WT1: variants seen among roughly 807,000 people sequenced by gnomAD.
WT1 encodes WT1 transcription factor.
A neutral mutation model predicts 60.8 loss-of-function variants in WT1; 8 were observed. That is an observed-to-expected ratio of 0.13 (90% CI 0.08 to 0.24). WT1 has a LOEUF of 0.24. Among genes scored for constraint, WT1 ranks in the 10% least tolerant of loss-of-function variants. The pLI is 1.00. For synonymous variants in WT1, 312 were observed against 297.1 expected, an observed-to-expected ratio of 1.05 and a Z score of -0.52; for missense variants, 568 against 711.8, an observed-to-expected ratio of 0.80 and a Z score of 2.30.
chr11:32,407,510 C>T lies in WT1; in HGVS notation c.1017-7466G>A, dbSNP rs77643749. 1.0e-2 allele frequency among the ~76,000 whole-genome samples: 1,520 copies of T among 152,270 alleles called. 25 individuals carry two copies. The highest frequency in any genetic ancestry group is 0.034 in the African/African-American group (1,432 of 41,548). On this transcript the variant is annotated intron_variant, in intron 5 of 9. Coordinates refer to ENST00000452863, the MANE Select transcript of WT1 (RefSeq NM_024426.6). ...TTCGGCCTGTCATTTCTCTCTCCCA[C>T]CTCTAGTTATTGGCCAGGCAGGCAT...
chr11:32,430,295 C>T (rs1305351797), intron 1 of WT1, among the ~76,000 whole-genome samples: 3 of 152,070 alleles, frequency 2.0e-5, no homozygotes, highest in Non-Finnish European at 4.4e-5. Context: ...CTTTTGAAAC[C>T]TGAGGCCTGG....
chr11:32,412,012 A>G (rs1003395419), intron 5 of WT1, among the ~76,000 whole-genome samples: 3 of 152,198 alleles, frequency 2.0e-5, no homozygotes, highest in African/African-American at 7.2e-5. Flanking sequence ...CCCCACCTTC[A>G]CTTTGCATCT....
rs762660918 is a variant in WT1 at position 32,434,858 on chromosome 11, T to C, written c.503A>G (p.His168Arg). ...TGTGCCAGTGAACTGGCCGGAAAAG[T>C]GGACAGTGAAGGCGCTCAGGCACTG... Residue 168 changes from histidine (H) to arginine (R), a missense_variant, in exon 1 of 10, where the codon CAC (histidine) becomes CGC (arginine). By Grantham distance (29) the His-to-Arg change is conservative. Coordinates refer to ENST00000452863, the MANE Select transcript of WT1 (RefSeq NM_024426.6). 6.2e-7 allele frequency: 1 copy of C among 1,612,458 alleles called. No individual in the cohort carries two copies. The highest frequency in any genetic ancestry group is 1.1e-5 in the South Asian group (1 of 91,024).
At chr11:32,394,553 G>A (rs1178647299) in intron 7 of WT1, among the ~76,000 whole-genome samples, 1 of 152,166 alleles carries the variant, frequency 6.6e-6, no homozygotes, top group Non-Finnish European at 1.5e-5. Context: ...TAAAAAGAAG[G>A]AGTTTGAGTC....
At chr11:32,401,106 G>A (rs1191301001) in intron 5 of WT1, among the ~76,000 whole-genome samples, 1 of 152,156 alleles carries the variant, frequency 6.6e-6, no homozygotes, top group African/African-American at 2.4e-5. Flanking sequence ...CAACCCAAAT[G>A]TCCATCAACT....
At position 32,416,404 on chromosome 11, in the gene WT1, C is replaced by T. The variant is rs951007759; in HGVS notation, c.1016+86G>A. On this transcript the variant is annotated intron_variant, in intron 5 of 9. Transcript: ENST00000452863. ...CACCAAATGCTACCCTGATTACCCACGTCAGTCCTAACTCCTGCATTGCCC... is the reference window on the plus strand; with the variant it reads ...CACCAAATGCTACCCTGATTACCCATGTCAGTCCTAACTCCTGCATTGCCC... 505 of 1,547,406 alleles carry T rather than the reference C, an allele frequency of 3.3e-4. 1 individual carries two copies. Among genetic ancestry groups the T allele is most frequent in the Non-Finnish European group, 2.5e-4 (275 of 1,122,118 alleles).
intron 9 of WT1, among the ~76,000 whole-genome samples, chr11:32,389,970 CA>C (rs773822337): frequency 4.0e-4 from 61 of 152,174 alleles, no homozygotes; most frequent in Admixed American, 7.2e-4. Context: ...CGCACACACA[CA>C]ACCTCATGTA....
Position 32,387,819 on chromosome 11 carries a change from A to T in WT1, c.*1239T>A, listed in dbSNP as rs534396876. ...TAATTGAGAGCAAAGTGAAAAATGC[A>T]GGTTACAATTTTAAGTGTTATCATC... On this transcript the variant is annotated 3_prime_UTR_variant, in exon 10 of 10. Coordinates refer to ENST00000452863, the MANE Select transcript of WT1 (RefSeq NM_024426.6). 2.1e-3 allele frequency: 494 copies of T among 233,246 alleles called. 5 individuals carry two copies. The Middle Eastern group carries it at 0.04, about 19-fold the overall frequency. 14.4% of individuals were successfully genotyped at this position (233,246 alleles called of 1,614,324 possible).
rs567200038 is a variant in WT1, at chr11:32,435,063, G to T, written c.298C>A (p.Pro100Thr). 6.8e-7 allele frequency: 1 copy of T among 1,478,408 alleles called. No individual in the cohort carries two copies. Among genetic ancestry groups the T allele is most frequent in the Non-Finnish European group, 8.9e-7 (1 of 1,124,990 alleles). 91.6% of individuals were successfully genotyped at this position (1,478,408 alleles called of 1,614,324 possible). The change falls in exon 1 of 10, where the codon CCT becomes ACT. Residue 100 changes from proline (P) to threonine (T), a missense_variant. Physicochemically the swap from Pro to Thr is conservative, Grantham distance 38. Around this residue, in one of 3 missense-constraint regions of WT1, gnomAD observed 523 missense variants for 565.1 expected, o/e 0.93. Coordinates refer to ENST00000452863, the MANE Select transcript of WT1 (RefSeq NM_024426.6). Reference sequence around the variant, plus strand: ...GCCCACTGCGCCGCGCCGCTCACAGGCAGGGCACAGCCGCCGCCGCCACCC... The same window carrying T: ...GCCCACTGCGCCGCGCCGCTCACAGTCAGGGCACAGCCGCCGCCGCCACCC...
intron 3 of WT1, among the ~76,000 whole-genome samples, chr11:32,420,611 G>A (rs922535195): frequency 3.3e-5 from 5 of 151,974 alleles, no homozygotes; most frequent in Non-Finnish European, 7.4e-5. Flanking sequence ...TGGCATGCCT[G>A]AGCCCCCACC....
At chr11:32,427,893 G>T in intron 3 of WT1, 63 bp downstream of exon 3, 4 of 1,501,092 alleles carry the variant, frequency 2.7e-6, no homozygotes, top group South Asian at 2.5e-5. Context: ...TCCCAAGTCC[G>T]CCGGCTCATG....
rs772132630 is a variant in WT1 at position 32,390,196 on chromosome 11, T to C, written c.1448-1017A>G. Among the ~76,000 whole-genome samples, 11 of 152,362 alleles carry C rather than the reference T, an allele frequency of 7.2e-5. No individual in the cohort carries two copies. The South Asian group carries it at 1.9e-3, about 26-fold the overall frequency. On this transcript the variant is annotated intron_variant, in intron 9 of 9. Transcript: ENST00000452863. ...GGAAGAATGCACAGAAGCTAAACCC[T>C]GTGCCACCTGACGGATCTTCTCAGA...
chr11:32,389,899 A>G (rs1171074020), intron 9 of WT1, among the ~76,000 whole-genome samples: 1 of 152,160 alleles, frequency 6.6e-6, no homozygotes, highest in Non-Finnish European at 1.5e-5. Context: ...CTCATTAGGG[A>G]GAATAACTAC....
At chr11:32,429,135 A>T (rs149841186) in intron 1 of WT1, 154 of 254,964 alleles carry the variant, frequency 6.0e-4, no homozygotes, top group African/African-American at 2.9e-3. Flanking sequence ...AAAAATGGGA[A>T]GAGTAATTAC....
Position 32,400,023 on chromosome 11 carries a change from G to C in WT1, c.1038C>G (p.Ser346Arg), listed in dbSNP as rs750018485. The C allele has an allele frequency of 6.2e-7, 1 of 1,614,214 alleles. No homozygotes were observed. Among genetic ancestry groups the C allele is most frequent in the Non-Finnish European group, 8.5e-7 (1 of 1,180,044 alleles). Residue 346 changes from serine to arginine, a missense_variant, in exon 6 of 10, where the codon AGC becomes AGG. Ser to Arg is a moderately radical substitution (Grantham distance 110, BLOSUM62 -1). Coordinates refer to ENST00000452863, the MANE Select transcript of WT1 (RefSeq NM_024426.6). ...AGAGGATGGGCGTTGTGTGGTTATCGCTCTCGTACCCTGTGCTGTGGCTGC... is the reference window on the plus strand; with the variant it reads ...AGAGGATGGGCGTTGTGTGGTTATCCCTCTCGTACCCTGTGCTGTGGCTGC...
intron 6 of WT1, among the ~76,000 whole-genome samples, chr11:32,397,715 G>T (rs947544785): frequency 1.8e-4 from 28 of 152,184 alleles, no homozygotes; most frequent in African/African-American, 6.5e-4. Flanking sequence ...CCATGCTTAT[G>T]TTCTAGTCCC....
intron 5 of WT1, among the ~76,000 whole-genome samples, chr11:32,409,922 C>A (rs575843161): frequency 6.6e-6 from 1 of 151,770 alleles, no homozygotes; most frequent in Non-Finnish European, 1.5e-5. Context: ...TTTTCCTTTT[C>A]TTTTTTTATT....
At chr11:32,395,661 CTTGTTGG>C (rs1480088449) in intron 7 of WT1, among the ~76,000 whole-genome samples, 1 of 152,054 alleles carries the variant, frequency 6.6e-6, no homozygotes, top group Non-Finnish European at 1.5e-5. Context: ...GGGGTTTCAC[CTTGTTGG>C]CCAGGCTGGT....
intron 5 of WT1, among the ~76,000 whole-genome samples, chr11:32,415,160 C>T (rs2133026120): frequency 6.6e-6 from 1 of 152,320 alleles, no homozygotes; most frequent in Admixed American, 6.5e-5. Flanking sequence ...ACTGAACAAA[C>T]AAGCCCCTGT....
Sources: allele counts gnomAD v4.1 joint callset (sites outside exome capture counted in the v4.1 genomes callset), GRCh38; gene constraint gnomAD v4.1.1; regional missense constraint gnomAD v4.1.1; transcripts MANE v1.5; gene names NCBI Gene and HGNC (gene_info 2026-07-23, HGNC 2026-07-21).